The following AKAP6 variants were observed in gnomAD, a reference collection of about 807,000 sequenced individuals.
The protein encoded by AKAP6 is A-kinase anchor protein 6.
In AKAP6, 58 loss-of-function variants were observed where a neutral mutation model predicts 188.5. The ratio of observed to expected loss-of-function variants is 0.31; its 90% CI spans 0.25 to 0.38. The LOEUF is 0.38. Among genes scored for constraint, AKAP6 ranks in the 10% least tolerant of loss-of-function variants. The pLI, the probability that AKAP6 is intolerant of heterozygous loss-of-function variation, is 1.00. For missense variants in AKAP6, 2,710 were observed against 2,740.0 expected (o/e 0.99, Z 0.24); for synonymous variants, 989 against 998.6 (o/e 0.99, Z 0.18).
At chr14:32,643,725 G>C (rs1347292168) in intron 7 of AKAP6, among the ~76,000 whole-genome samples, 1 of 152,032 alleles carries the variant, frequency 6.6e-6, no homozygotes, top group Non-Finnish European at 1.5e-5. Context: ...AAGAGTTACA[G>C]GTTTTCCTTA....
At chr14:32,385,218 A>G (rs964856941) in intron 1 of AKAP6, 3 of 151,768 alleles carry the variant, frequency 2.0e-5, no homozygotes, top group African/African-American at 4.8e-5. Context: ...GCAGATTGGA[A>G]GCATTTACTT....
chr14:32,582,151 T>C (rs923506402), intron 5 of AKAP6, among the ~76,000 whole-genome samples: 1 of 152,022 alleles, frequency 6.6e-6, no homozygotes, highest in Non-Finnish European at 1.5e-5. Flanking sequence ...CCTTTCCATG[T>C]TTAGTGCTTC....
At chr14:32,539,954 C>T (rs1031070808) in intron 3 of AKAP6, among the ~76,000 whole-genome samples, 1 of 151,892 alleles carries the variant, frequency 6.6e-6, no homozygotes, top group Non-Finnish European at 1.5e-5. Flanking sequence ...ATCTCCGCAT[C>T]TCTAAGTTAC....
intron 7 of AKAP6, among the ~76,000 whole-genome samples, chr14:32,631,621 C>G (rs1387954607): frequency 6.6e-6 from 1 of 151,720 alleles, no homozygotes; most frequent in African/African-American, 2.4e-5. Context: ...GATTTCTTTG[C>G]TATGATTGAA....
At chr14:32,641,707 T>C (rs1248215007) in intron 7 of AKAP6, among the ~76,000 whole-genome samples, 1 of 152,046 alleles carries the variant, frequency 6.6e-6, no homozygotes. Flanking sequence ...AGAGCTACAA[T>C]TGGAACTTAA....
intron 12 of AKAP6, among the ~76,000 whole-genome samples, chr14:32,819,567 A>G (rs1041297136): frequency 6.6e-6 from 1 of 152,168 alleles, no homozygotes. Context: ...ATTGGAAGGT[A>G]TGATGTGAAG....
At chr14:32,732,874 T>C (rs765852691) in intron 10 of AKAP6, 1 of 594,668 alleles carries the variant, frequency 1.7e-6, no homozygotes, top group Non-Finnish European at 3.0e-6. Flanking sequence ...ATTATGGGTA[T>C]GCACCAAGTC....
chr14:32,735,974 C>T (rs1261478337), intron 11 of AKAP6, 92 bp downstream of exon 11: 1 of 880,170 alleles, frequency 1.1e-6, no homozygotes, highest in Non-Finnish European at 1.7e-6. Context: ...ACCCATGTAT[C>T]TGTGTATCAC....
chr14:32,407,238 A>G (rs1889325616), intron 1 of AKAP6, among the ~76,000 whole-genome samples: 1 of 152,086 alleles, frequency 6.6e-6, no homozygotes. Context: ...TGTTCTGGGA[A>G]CTTTTACTAA....
At chr14:32,736,482 A>T (rs1464209356) in intron 11 of AKAP6, among the ~76,000 whole-genome samples, 1 of 152,150 alleles carries the variant, frequency 6.6e-6, no homozygotes, top group Non-Finnish European at 1.5e-5. Context: ...TTGTTTACAC[A>T]ATATCTATTT....
chr14:32,803,719 A>T (rs769007113), intron 12 of AKAP6, among the ~76,000 whole-genome samples: 1 of 152,178 alleles, frequency 6.6e-6, no homozygotes, highest in Non-Finnish European at 1.5e-5. Flanking sequence ...AATCTCACTC[A>T]TGCCCATAAC....
intron 1 of AKAP6, among the ~76,000 whole-genome samples, chr14:32,404,870 A>T (rs1889235943): frequency 6.7e-6 from 1 of 149,890 alleles, no homozygotes; most frequent in Non-Finnish European, 1.5e-5. Context: ...GTGTCTTTCC[A>T]TCCCTGGGTC....
intron 1 of AKAP6, among the ~76,000 whole-genome samples, chr14:32,381,483 AAACT>A (rs767952888): frequency 3.3e-5 from 5 of 152,214 alleles, no homozygotes; most frequent in Non-Finnish European, 7.3e-5. Context: ...GTTAATTTAA[AAACT>A]AACTGAGAGC....
At chr14:32,560,608 A>G (rs1017712417) in intron 4 of AKAP6, among the ~76,000 whole-genome samples, 1 of 152,264 alleles carries the variant, frequency 6.6e-6, no homozygotes, top group Non-Finnish European at 1.5e-5. Context: ...ATGCAATAAT[A>G]TCTTGTATTA....
At chr14:32,416,449 T>C (rs913767347) in intron 1 of AKAP6, among the ~76,000 whole-genome samples, 2 of 152,246 alleles carry the variant, frequency 1.3e-5, no homozygotes, top group Non-Finnish European at 2.9e-5. Flanking sequence ...TTATCAGATA[T>C]ATGCAAATAT....
chr14:32,505,009 A>G (rs1880798995), intron 2 of AKAP6, among the ~76,000 whole-genome samples: 1 of 152,198 alleles, frequency 6.6e-6, no homozygotes, highest in African/African-American at 2.4e-5. Context: ...TCATTGTATA[A>G]AGCAAGTCAT....
At chr14:32,413,124 A>G (rs1003568706) in intron 1 of AKAP6, among the ~76,000 whole-genome samples, 2 of 151,626 alleles carry the variant, frequency 1.3e-5, no homozygotes, top group South Asian at 2.1e-4. Context: ...TAAGAATAGC[A>G]TCAGAAAGGT....
At chr14:32,504,298 T>G (rs949117210) in intron 2 of AKAP6, among the ~76,000 whole-genome samples, 1 of 152,174 alleles carries the variant, frequency 6.6e-6, no homozygotes, top group East Asian at 1.9e-4. Context: ...GTTTGTTTTT[T>G]GATATAGGGT....
chr14:32,765,890 T>G (rs1334555453), intron 11 of AKAP6, among the ~76,000 whole-genome samples: 1 of 152,184 alleles, frequency 6.6e-6, no homozygotes, highest in Non-Finnish European at 1.5e-5. Context: ...ATAATATATT[T>G]CTGGCCTTAC....
Sources: allele counts gnomAD v4.1 joint callset (sites outside exome capture counted in the v4.1 genomes callset), GRCh38; gene constraint gnomAD v4.1.1; transcripts MANE v1.5; gene names NCBI Gene and HGNC (gene_info 2026-07-23, HGNC 2026-07-21).